DENND1B: variants seen among roughly 807,000 people sequenced by gnomAD.
DENND1B encodes the protein DENN domain-containing protein 1B.
DENND1B carries 59 observed loss-of-function variants against 90.1 expected under a neutral mutation model. The observed-to-expected ratio is 0.65, with a 90% CI of 0.53 to 0.81. DENND1B has a LOEUF of 0.81. DENND1B is among the 40% of genes least tolerant of loss of function. DENND1B has a pLI of 0.00. For synonymous variants in DENND1B, 337 were observed against 324.6 expected (o/e 1.04, Z -0.41); for missense variants, 862 against 912.6 (o/e 0.94, Z 0.71).
At chr1:197,516,833 G>A (rs1668433656) in intron 20 of DENND1B, among the ~76,000 whole-genome samples, 1 of 151,634 alleles carries the variant, frequency 6.6e-6, no homozygotes, top group African/African-American at 2.4e-5. Context: ...AAATGACTAT[G>A]ATAGAGAAAA....
At chr1:197,555,226 A>G (rs1671616563) in intron 15 of DENND1B, among the ~76,000 whole-genome samples, 1 of 152,082 alleles carries the variant, frequency 6.6e-6, no homozygotes, top group Non-Finnish European at 1.5e-5. Flanking sequence ...TCAAACTAAA[A>G]ACCTTTCTCC....
intron 20 of DENND1B, among the ~76,000 whole-genome samples, chr1:197,522,897 A>G (rs1435760012): frequency 6.6e-6 from 1 of 152,132 alleles, no homozygotes; most frequent in Non-Finnish European, 1.5e-5. Context: ...AAATGTCAAT[A>G]AGGTCTTAAA....
At chr1:197,615,476 T>C (rs1677563864) in intron 11 of DENND1B, among the ~76,000 whole-genome samples, 1 of 151,086 alleles carries the variant, frequency 6.6e-6, no homozygotes, top group African/African-American at 2.4e-5. Flanking sequence ...GCCAAAGAGT[T>C]AGCAAAGATA....
At chr1:197,658,229 A>T in intron 6 of DENND1B, 71 bp downstream of exon 6, 3 of 1,226,040 alleles carry the variant, frequency 2.4e-6, no homozygotes, top group Non-Finnish European at 3.6e-6. Context: ...ACACTTAAAA[A>T]TGGTTAAAAT....
intron 14 of DENND1B, among the ~76,000 whole-genome samples, chr1:197,586,811 C>A (rs563429596): frequency 6.6e-6 from 1 of 152,214 alleles, no homozygotes; most frequent in African/African-American, 2.4e-5. Flanking sequence ...AAGCTTCAGC[C>A]GAATCCCATG....
At chr1:197,550,947 AAAC>A (rs1361836533) in intron 16 of DENND1B, among the ~76,000 whole-genome samples, 1 of 152,024 alleles carries the variant, frequency 6.6e-6, no homozygotes, top group Non-Finnish European at 1.5e-5. Context: ...ATTATGAGAT[AAAC>A]AACAAAGTTA....
Position 197,690,189 on chromosome 1 carries a change from G to A in DENND1B, c.127-16020C>T, listed in dbSNP as rs1030571835. 9 of 293,324 alleles carry A rather than the reference G, an allele frequency of 3.1e-5. 1 individual carries two copies. The highest frequency in any genetic ancestry group is 1.4e-4 in the South Asian group (3 of 21,474). 18.2% of individuals were successfully genotyped at this position (293,324 alleles called of 1,614,324 possible). A position where few individuals can be genotyped will look rare whatever the true frequency, so the allele number is the denominator to read the frequency against. On this transcript the variant is annotated intron_variant, in intron 3 of 22. Coordinates refer to ENST00000620048, the MANE Select transcript of DENND1B (RefSeq NM_001195215.2). ...TCTTCCTAAGGATAATGTGGGCTTC[G>A]ATGTCAAGAATGTGTCTGTCAAAGA...
intron 3 of DENND1B, among the ~76,000 whole-genome samples, chr1:197,699,424 G>A (rs965282958): frequency 2.0e-5 from 3 of 152,022 alleles, no homozygotes; most frequent in Non-Finnish European, 4.4e-5. Flanking sequence ...AATAATAAGA[G>A]TTATTTATGA....
chr1:197,620,434 A>G (rs1678052345), intron 10 of DENND1B, among the ~76,000 whole-genome samples: 1 of 151,190 alleles, frequency 6.6e-6, no homozygotes, highest in Non-Finnish European at 1.5e-5. Flanking sequence ...TAAAATAAGA[A>G]CTCTATGCTA....
chr1:197,707,915 G>C lies in DENND1B; in HGVS notation c.126+7116C>G, dbSNP rs371413633. 2.0e-4 allele frequency among the ~76,000 whole-genome samples: 30 copies of C among 151,520 alleles called. No homozygotes were observed. In the East Asian group the frequency reaches 4.9e-3, roughly 25 times the overall value. ...GCAGGGCGAGGCATTGCCTCACCTG[G>C]GAAGCGCAAGGGGTCAGGGAGTTCC... On this transcript the variant is annotated intron_variant, in intron 3 of 22. Transcript: ENST00000620048.
chr1:197,566,391 C>T (rs1335923192), intron 15 of DENND1B, among the ~76,000 whole-genome samples: 2 of 151,956 alleles, frequency 1.3e-5, no homozygotes, highest in South Asian at 4.1e-4. Context: ...TGGATATTAG[C>T]CCTTTGTCAG....
chr1:197,617,702 T>C lies in DENND1B; in HGVS notation c.730A>G (p.Ile244Val). The C allele has an allele frequency of 1.9e-6, 3 of 1,607,842 alleles. No individual in the cohort carries two copies. Among genetic ancestry groups the C allele is most frequent in the South Asian group, 1.1e-5 (1 of 90,946 alleles). ...TGTGGAGGAAGCACTGGGATGTATA[T>C]GTGTTGCCAATACATTGGGTATAGA... ...ALLYPMYWQHIYIPVLPPHLL... is the reference protein window; with the variant it reads ...ALLYPMYWQHVYIPVLPPHLL... Residue 244 changes from isoleucine to valine, a missense_variant, in exon 11 of 23, where the codon ATA becomes GTA. Transcript: ENST00000620048.
chr1:197,714,589 A>G (rs887724795), intron 3 of DENND1B, among the ~76,000 whole-genome samples: 14 of 152,176 alleles, frequency 9.2e-5, no homozygotes, highest in African/African-American at 3.4e-4. Flanking sequence ...TTCAACTTCT[A>G]TATGTAAATG....
At chr1:197,669,620 T>C (rs1317669013) in intron 5 of DENND1B, among the ~76,000 whole-genome samples, 1 of 152,080 alleles carries the variant, frequency 6.6e-6, no homozygotes, top group African/African-American at 2.4e-5. Flanking sequence ...AGAAAAAATA[T>C]TAAGATATGC....
intron 20 of DENND1B, among the ~76,000 whole-genome samples, chr1:197,516,835 T>C (rs1237622994): frequency 6.6e-6 from 1 of 151,772 alleles, no homozygotes; most frequent in Non-Finnish European, 1.5e-5. Flanking sequence ...ATGACTATGA[T>C]AGAGAAAAAT....
At chr1:197,523,455 C>T (rs925985664) in intron 20 of DENND1B, among the ~76,000 whole-genome samples, 3 of 152,200 alleles carry the variant, frequency 2.0e-5, no homozygotes, top group African/African-American at 7.2e-5. Context: ...GGGCGCATGG[C>T]CCACTTAAGA....
At chr1:197,585,606 T>C (rs1480568083) in intron 14 of DENND1B, among the ~76,000 whole-genome samples, 1 of 152,248 alleles carries the variant, frequency 6.6e-6, no homozygotes, top group Non-Finnish European at 1.5e-5. Flanking sequence ...CATCCACTTG[T>C]GATGACACAA....
At chr1:197,559,506 G>C (rs891152588) in intron 15 of DENND1B, among the ~76,000 whole-genome samples, 1 of 151,780 alleles carries the variant, frequency 6.6e-6, no homozygotes, top group Non-Finnish European at 1.5e-5. Context: ...CATTACCATG[G>C]CTCAGAAATT....
In DENND1B at chr1:197,541,632, T is replaced by C. The variant is rs6657488; in HGVS notation, c.1351-617A>G. On this transcript the variant is annotated intron_variant, in intron 18 of 22. Transcript: ENST00000620048. Reference sequence around the variant, plus strand: ...GGGGTATAACTTAACTAAAGACAACTGGGGGCTTTCACAAAAGCCTTAGCC... The same window carrying C: ...GGGGTATAACTTAACTAAAGACAACCGGGGGCTTTCACAAAAGCCTTAGCC... Among the ~76,000 whole-genome samples, 898 of 152,294 alleles carry C rather than the reference T, an allele frequency of 5.9e-3. 13 individuals are homozygous for C. Among genetic ancestry groups the C allele is most frequent in the African/African-American group, 0.02 (840 of 41,572 alleles).
Sources: gnomAD v4.1 joint callset for allele counts (sites outside exome capture counted in the v4.1 genomes callset) on GRCh38, gnomAD v4.1.1 for gene constraint, MANE v1.5 for transcripts, NCBI Gene and HGNC (gene_info 2026-07-23, HGNC 2026-07-21) for gene names.